The following CADM3 variants were observed in gnomAD, a reference collection of about 807,000 sequenced individuals.
CADM3 encodes cell adhesion molecule 3, also known as TSLC1-like 1.
Under a neutral mutation model 44.9 loss-of-function variants are expected in CADM3, and 11 were observed. That is an observed-to-expected ratio of 0.25 (90% CI 0.15 to 0.41). CADM3 has a LOEUF of 0.41. Ranked by LOEUF, CADM3 falls within the 10% of genes least tolerant of loss-of-function variation. The pLI, the probability that CADM3 is intolerant of heterozygous loss-of-function variation, is 1.00. For missense variants in CADM3, 426 were observed against 512.0 expected (o/e 0.83, Z 1.62); for synonymous variants, 207 against 205.2 (o/e 1.01, Z -0.08).
At chr1:159,179,381 G>A (rs968912742) in intron 1 of CADM3, among the ~76,000 whole-genome samples, 2 of 152,094 alleles carry the variant, frequency 1.3e-5, no homozygotes, top group African/African-American at 2.4e-5. Flanking sequence ...ACTGTGTATT[G>A]ATTGCTAATT....
Position 159,192,039 on chromosome 1 carries a change from C to T in CADM3, c.192C>T (p.Asn64=). The T allele has an allele frequency of 6.2e-7, 1 of 1,614,164 alleles. No individual in the cohort carries two copies. The highest frequency in any genetic ancestry group is 8.5e-7 in the Non-Finnish European group (1 of 1,180,022). The change falls in exon 2 of 9, where the codon AAC becomes AAT. Residue 64 remains asparagine (N), a synonymous_variant. Coordinates refer to ENST00000368125, the MANE Select transcript of CADM3 (RefSeq NM_001127173.3). ...AGGACTCATCCCTGCAATGGTCTAACCCTGCTCAGCAGACTCTCTACTTTG... is the reference window on the plus strand; with the variant it reads ...AGGACTCATCCCTGCAATGGTCTAATCCTGCTCAGCAGACTCTCTACTTTG... ...DHEDSSLQWS[N]PAQQTLYFGE... is the part of the protein sequence containing the mutation.
At chr1:159,192,103 C>A (rs200168763) in intron 2 of CADM3, 27 bp downstream of exon 2, 2 of 1,611,286 alleles carry the variant, frequency 1.2e-6, no homozygotes, top group Non-Finnish European at 1.7e-6. Flanking sequence ...TATCTTTCTC[C>A]GTGAAAACCA....
intron 1 of CADM3, among the ~76,000 whole-genome samples, chr1:159,179,748 G>C (rs1161861941): frequency 2.0e-5 from 3 of 152,132 alleles, no homozygotes; most frequent in Non-Finnish European, 4.4e-5. Flanking sequence ...GAAGAGCCTG[G>C]AGCTGAGTTC....
intron 1 of CADM3, among the ~76,000 whole-genome samples, chr1:159,181,630 GA>G (rs1217501904): frequency 6.6e-6 from 1 of 152,182 alleles, no homozygotes; most frequent in Non-Finnish European, 1.5e-5. Flanking sequence ...AGGCAAGGAA[GA>G]GACTCTTTCG....
At chr1:159,178,512 T>A (rs1649109663) in intron 1 of CADM3, 1 of 152,214 alleles carries the variant, frequency 6.6e-6, no homozygotes, top group Non-Finnish European at 1.5e-5. Flanking sequence ...GGCTCTTGTC[T>A]GATCTCGGAA....
intron 1 of CADM3, among the ~76,000 whole-genome samples, chr1:159,188,543 A>C (rs1466273767): frequency 6.6e-6 from 1 of 151,852 alleles, no homozygotes; most frequent in Non-Finnish European, 1.5e-5. Context: ...CGCTGGGACG[A>C]CTGGCGAAGT....
chr1:159,186,612 T>A (rs1649430066), intron 1 of CADM3, among the ~76,000 whole-genome samples: 4 of 152,248 alleles, frequency 2.6e-5, no homozygotes, highest in African/African-American at 9.6e-5. Context: ...TTATAATTTC[T>A]GCTACTTATC....
Position 159,183,220 on chromosome 1 carries a change from C to A in CADM3, c.89-8716C>A, listed in dbSNP as rs74122286. On this transcript the variant is annotated intron_variant, in intron 1 of 8. Transcript: ENST00000368125. ...ACCCCTGGGTCCATAAATCCTGGAT[C>A]TCTGGCCCAGGCTTTACCAAGCTAA... Among the ~76,000 whole-genome samples the A allele has an allele frequency of 5.3e-3, 806 of 152,324 alleles. 8 individuals are homozygous for A. The highest frequency in any genetic ancestry group is 0.019 in the African/African-American group (774 of 41,572).
In CADM3 at chr1:159,201,053, G is replaced by A. The variant is rs1259114166; in HGVS notation, c.*131G>A. On this transcript the variant is annotated 3_prime_UTR_variant, in exon 9 of 9. Coordinates refer to ENST00000368125, the MANE Select transcript of CADM3 (RefSeq NM_001127173.3). ...TGCTCCCCAGCCCACCCACCCCCCT[G>A]TACAGAATGTCTGCTTTGGGTGCGG... is the stretch of plus-strand genomic sequence containing the variant. 4 of 272,800 alleles carry A rather than the reference G, an allele frequency of 1.5e-5. No homozygotes were observed. Among genetic ancestry groups the A allele is most frequent in the African/African-American group, 7.9e-5 (2 of 25,270 alleles). The allele number at this position is 272,800 out of a possible 1,614,324, so 16.9% of individuals were successfully genotyped here.
At chr1:159,172,679 G>A (rs1057256972) in intron 1 of CADM3, among the ~76,000 whole-genome samples, 1 of 152,134 alleles carries the variant, frequency 6.6e-6, no homozygotes, top group African/African-American at 2.4e-5. Flanking sequence ...TTGGGATGGG[G>A]TAGCATACCT....
chr1:159,198,569 A>G (rs1171164208), intron 7 of CADM3, among the ~76,000 whole-genome samples: 1 of 152,188 alleles, frequency 6.6e-6, no homozygotes, highest in Non-Finnish European at 1.5e-5. Context: ...AGGAACTGAA[A>G]CGCGGGCCCA....
At chr1:159,200,675 T>G in intron 8 of CADM3, 129 bp from the exon 9 acceptor site, 2 of 623,256 alleles carry the variant, frequency 3.2e-6, no homozygotes, top group Admixed American at 2.8e-5. Context: ...TAAGGTGGAG[T>G]AGAAGAGAGC....
At position 159,196,323 on chromosome 1, in the gene CADM3, G is replaced by A. The variant is rs553949243; in HGVS notation, c.692-41G>A. On this transcript the variant is annotated intron_variant, in intron 5 of 8. Coordinates refer to ENST00000368125, the MANE Select transcript of CADM3 (RefSeq NM_001127173.3). ...ACTAAGTGAGGGAATCTCCTAAGCCGTGTGGGGAGGTATTCATTGATACCA... is the reference window on the plus strand; with the variant it reads ...ACTAAGTGAGGGAATCTCCTAAGCCATGTGGGGAGGTATTCATTGATACCA... 631 of 1,499,468 alleles carry A rather than the reference G, an allele frequency of 4.2e-4. 11 individuals carry two copies. The South Asian group carries it at 6.5e-3, about 16-fold the overall frequency. The allele number at this position is 1,499,468 out of a possible 1,614,324, so 92.9% of individuals were successfully genotyped here.
At chr1:159,198,961 A>C (rs2102137235) in intron 7 of CADM3, among the ~76,000 whole-genome samples, 1 of 152,270 alleles carries the variant, frequency 6.6e-6, no homozygotes, top group East Asian at 1.9e-4. Flanking sequence ...GAGGGTGGCA[A>C]AGTGAAGACG....
In CADM3 at chr1:159,196,518, T is replaced by C. The variant is rs3026995; in HGVS notation, c.782+64T>C. The C allele has an allele frequency of 2.2e-3, 2,883 of 1,288,690 alleles. 63 individuals are homozygous for C. In the African/African-American group the frequency reaches 0.039, roughly 17 times the overall value. The allele number at this position is 1,288,690 out of a possible 1,614,324, so 79.8% of individuals were successfully genotyped here. On this transcript the variant is annotated intron_variant, in intron 6 of 8. Coordinates refer to ENST00000368125, the MANE Select transcript of CADM3 (RefSeq NM_001127173.3). ...ACATTCTCAGATTGCCTTCTTCACA[T>C]AACAGCTCCTTCCTATCTCCTCTGT...
At chr1:159,177,316 T>C (rs778071973) in intron 1 of CADM3, among the ~76,000 whole-genome samples, 2 of 152,116 alleles carry the variant, frequency 1.3e-5, no homozygotes, top group Non-Finnish European at 2.9e-5. Flanking sequence ...ATAGAGCAAG[T>C]GATGAGCGTA....
At chr1:159,196,822 AT>A (rs533935187) in intron 6 of CADM3, 68 bp from the exon 7 acceptor site, 54,498 of 1,013,290 alleles carry the variant, frequency 0.054, 85 homozygotes, top group South Asian at 0.068. Context: ...GCTCCCAGTT[AT>A]TTTTTTTTTT....
chr1:159,180,461 T>C (rs1040096401), intron 1 of CADM3, among the ~76,000 whole-genome samples: 2 of 152,202 alleles, frequency 1.3e-5, no homozygotes, highest in Non-Finnish European at 2.9e-5. Context: ...AATATTATTT[T>C]CCATTTCGGG....
In CADM3 at chr1:159,196,896, A is replaced by G. The variant is rs1339269398; in HGVS notation, c.788A>G (p.Gln263Arg). The G allele has an allele frequency of 1.2e-6, 2 of 1,613,436 alleles. No homozygotes were observed. Among genetic ancestry groups the G allele is most frequent in the East Asian group, 2.2e-5 (1 of 44,844 alleles). The change falls in exon 7 of 9, where the codon CAG becomes CGG. Residue 263 changes from glutamine to arginine, a missense_variant. Coordinates refer to ENST00000368125, the MANE Select transcript of CADM3 (RefSeq NM_001127173.3). The stretch of plus-strand genomic sequence containing the variant: ...TGATTTGTCTGCCTCGACAGCCCCC[A>G]GCAGTACCTATGGGAGAAGGAGGGC... ...HCEGRGNPVP[Q>R]QYLWEKEGSV...
Sources: gnomAD v4.1 joint callset for allele counts (sites outside exome capture counted in the v4.1 genomes callset) on GRCh38, gnomAD v4.1.1 for gene constraint, MANE v1.5 for transcripts, NCBI Gene and HGNC (gene_info 2026-07-23, HGNC 2026-07-21) for gene names.